Variants in CREB5 observed in about 807,000 individuals in gnomAD.
CREB5 encodes cAMP responsive element binding protein 5.
Under a neutral mutation model 57.1 loss-of-function variants are expected in CREB5, and 19 were observed. That is an observed-to-expected ratio of 0.33 (90% confidence interval 0.23 to 0.49). The LOEUF (loss-of-function observed/expected upper bound fraction) is 0.49. CREB5 is among the 20% of genes least tolerant of loss of function. The probability of loss-of-function intolerance (pLI) is 0.99; values close to 1 mark genes in which losing one functional copy is unlikely to be tolerated. For missense variants in CREB5, 579 were observed against 671.6 expected (o/e 0.86, Z 1.52); for synonymous variants, 238 against 238.3 (o/e 1.00, Z 0.01).
At chr7:28,542,090 C>CA (rs1366025409) in intron 4 of CREB5, among the ~76,000 whole-genome samples, 2 of 152,192 alleles carry the variant, frequency 1.3e-5, no homozygotes, top group African/African-American at 2.4e-5. Flanking sequence ...CAACGTTTGA[C>CA]AAGGGCTTAC....
chr7:28,368,797 A>T (rs1022929174), intron 1 of CREB5, among the ~76,000 whole-genome samples: 3 of 152,278 alleles, frequency 2.0e-5, no homozygotes, highest in African/African-American at 7.2e-5. Flanking sequence ...CTGTAATCCC[A>T]GCATTTTGGG....
chr7:28,468,895 T>C (rs1019253381), intron 1 of CREB5, among the ~76,000 whole-genome samples: 6 of 152,246 alleles, frequency 3.9e-5, no homozygotes, highest in African/African-American at 1.4e-4. Context: ...CAAGATCATG[T>C]AGGTCTTAAT....
intron 5 of CREB5, among the ~76,000 whole-genome samples, chr7:28,620,524 G>A (rs1797754704): frequency 6.6e-6 from 1 of 152,154 alleles, no homozygotes; most frequent in Admixed American, 6.5e-5. Flanking sequence ...TCTCTGGAGG[G>A]AATTCTCTCA....
chr7:28,715,544 C>T (rs917598479), intron 5 of CREB5, among the ~76,000 whole-genome samples: 5 of 152,162 alleles, frequency 3.3e-5, no homozygotes, highest in African/African-American at 7.2e-5. Flanking sequence ...CTTACTTTAA[C>T]GATATGAGCA....
At chr7:28,333,564 T>C (rs1785755688) in intron 1 of CREB5, among the ~76,000 whole-genome samples, 1 of 152,216 alleles carries the variant, frequency 6.6e-6, no homozygotes, top group African/African-American at 2.4e-5. Context: ...TCCTAGCCTC[T>C]GGTAACCATC....
intron 5 of CREB5, among the ~76,000 whole-genome samples, chr7:28,684,812 CCATTTT>C (rs1469236507): frequency 2.0e-5 from 3 of 152,108 alleles, no homozygotes; most frequent in Non-Finnish European, 2.9e-5. Context: ...AGCGAACTTC[CCATTTT>C]CATGTTACTT....
intron 5 of CREB5, among the ~76,000 whole-genome samples, chr7:28,618,796 C>G (rs765345857): frequency 3.9e-5 from 6 of 152,164 alleles, no homozygotes; most frequent in African/African-American, 7.2e-5. Flanking sequence ...GTCAGGCTAG[C>G]AATCTGAATA....
chr7:28,638,886 T>A (rs1218439513), intron 5 of CREB5, among the ~76,000 whole-genome samples: 1 of 152,328 alleles, frequency 6.6e-6, no homozygotes, highest in East Asian at 1.9e-4. Context: ...GAGTACTTTG[T>A]ATACTTCTTC....
chr7:28,804,845 A>AACTT (rs1403635201), intron 8 of CREB5, among the ~76,000 whole-genome samples: 5 of 152,242 alleles, frequency 3.3e-5, no homozygotes, highest in Admixed American at 1.3e-4. Flanking sequence ...GATTAGGAAG[A>AACTT]ACTTAAGCTT....
intron 4 of CREB5, among the ~76,000 whole-genome samples, chr7:28,559,287 A>G (rs1182590810): frequency 6.6e-6 from 1 of 151,932 alleles, no homozygotes; most frequent in Non-Finnish European, 1.5e-5. Context: ...ACTTAGGATA[A>G]CTCAAATCAG....
chr7:28,482,048 C>T (rs1241841234), intron 1 of CREB5, among the ~76,000 whole-genome samples: 1 of 152,184 alleles, frequency 6.6e-6, no homozygotes, highest in Non-Finnish European at 1.5e-5. Context: ...TCTTAATTTA[C>T]AGTTAGCTTC....
intron 1 of CREB5, among the ~76,000 whole-genome samples, chr7:28,485,264 T>C (rs1463153223): frequency 1.3e-5 from 2 of 152,134 alleles, no homozygotes; most frequent in African/African-American, 4.8e-5. Context: ...TGAATCTAAT[T>C]GTTATCATTA....
intron 7 of CREB5, among the ~76,000 whole-genome samples, chr7:28,737,569 ATATATATATATATAT>A (rs776875616): frequency 0.26 from 25,310 of 96,940 alleles, 3,256 homozygotes; most frequent in Admixed American, 0.3. Flanking sequence ...ATATATATAT[ATATATATATATATAT>A]ATATTTTTAA....
At chr7:28,330,598 C>T (rs1785697762) in intron 1 of CREB5, among the ~76,000 whole-genome samples, 1 of 147,022 alleles carries the variant, frequency 6.8e-6, no homozygotes, top group African/African-American at 2.5e-5. Flanking sequence ...TAGATCTTTG[C>T]AAAACAGAAT....
At chr7:28,745,344 G>C (rs2128760032) in intron 7 of CREB5, among the ~76,000 whole-genome samples, 2 of 152,296 alleles carry the variant, frequency 1.3e-5, no homozygotes, top group South Asian at 4.1e-4. Context: ...TAGATTTTGA[G>C]GTCCTTGTGC....
chr7:28,357,528 A>C (rs1786370990), intron 1 of CREB5, among the ~76,000 whole-genome samples: 1 of 151,992 alleles, frequency 6.6e-6, no homozygotes, highest in Non-Finnish European at 1.5e-5. Flanking sequence ...TTTAAAGAAA[A>C]ATTTTTTTCG....
chr7:28,482,338 T>G (rs1742117071), intron 1 of CREB5, among the ~76,000 whole-genome samples: 1 of 152,236 alleles, frequency 6.6e-6, no homozygotes, highest in Admixed American at 6.5e-5. Flanking sequence ...TGTTGGGTTA[T>G]TATTGTGTGT....
intron 5 of CREB5, among the ~76,000 whole-genome samples, chr7:28,612,421 G>T (rs1388537333): frequency 6.6e-6 from 1 of 151,974 alleles, no homozygotes. Context: ...ATTAGGTACA[G>T]GAGACACTTT....
intron 5 of CREB5, among the ~76,000 whole-genome samples, chr7:28,640,187 C>A (rs1798593692): frequency 6.6e-6 from 1 of 152,194 alleles, no homozygotes; most frequent in Non-Finnish European, 1.5e-5. Context: ...GCAAGAGCCT[C>A]AGCCACAGAG....
Sources: allele counts gnomAD v4.1 joint callset (sites outside exome capture counted in the v4.1 genomes callset), GRCh38; gene constraint gnomAD v4.1.1; transcripts MANE v1.5; gene names NCBI Gene and HGNC (gene_info 2026-07-23, HGNC 2026-07-21).